DCUN1D2: variants seen among roughly 807,000 people sequenced by gnomAD.
DCUN1D2 encodes the protein DCN1-like protein 2.
Under a neutral mutation model 30.9 loss-of-function variants are expected in DCUN1D2, and 29 were observed. The ratio of observed to expected loss-of-function variants is 0.94; its 90% CI spans 0.70 to 1.28. DCUN1D2 has a LOEUF of 1.28. Ranked by LOEUF, DCUN1D2 falls within the 50% of genes most tolerant of loss-of-function variation. The probability of loss-of-function intolerance (pLI) is 0.00; values close to 1 mark genes in which losing one functional copy is unlikely to be tolerated. For synonymous variants in DCUN1D2, 121 were observed against 115.3 expected, an observed-to-expected ratio of 1.05 and a Z score of -0.32; for missense variants, 325 against 316.9, an observed-to-expected ratio of 1.03 and a Z score of -0.19.
At chr13:113,477,307 G>A (rs573602916) in intron 3 of DCUN1D2, among the ~76,000 whole-genome samples, 16 of 152,192 alleles carry the variant, frequency 1.1e-4, no homozygotes, top group Admixed American at 4.6e-4. Flanking sequence ...CCTGTCTCTC[G>A]ATGAATTACT....
intron 4 of DCUN1D2, among the ~76,000 whole-genome samples, chr13:113,468,711 C>T (rs2044450826): frequency 6.6e-6 from 1 of 152,094 alleles, no homozygotes; most frequent in South Asian, 2.1e-4. Flanking sequence ...GTGTAACCTT[C>T]CCTGAATCTG....
intron 4 of DCUN1D2, among the ~76,000 whole-genome samples, chr13:113,467,311 C>G (rs998088050): frequency 6.6e-6 from 1 of 152,142 alleles, no homozygotes; most frequent in East Asian, 1.9e-4. Context: ...TTACTATGTG[C>G]ATTTTAAAAA....
intron 4 of DCUN1D2, among the ~76,000 whole-genome samples, chr13:113,472,565 A>G (rs984162756): frequency 1.4e-4 from 21 of 152,192 alleles, no homozygotes. Context: ...GGTCGAAGGA[A>G]GCAGGGAACG....
At chr13:113,489,499 C>T (rs975405736) in intron 1 of DCUN1D2, among the ~76,000 whole-genome samples, 1 of 152,144 alleles carries the variant, frequency 6.6e-6, no homozygotes, top group Admixed American at 6.5e-5. Context: ...AAACTCCATC[C>T]TCTTGGTTTC....
At chr13:113,460,029 C>G (rs953617521) in intron 5 of DCUN1D2, among the ~76,000 whole-genome samples, 2 of 152,356 alleles carry the variant, frequency 1.3e-5, no homozygotes, top group Middle Eastern at 3.4e-3. Flanking sequence ...CTCTGGGAAA[C>G]ATCTGTGACT....
At chr13:113,483,531 CCAGCA>C in intron 2 of DCUN1D2, among the ~76,000 whole-genome samples, 1 of 152,324 alleles carries the variant, frequency 6.6e-6, no homozygotes, top group Admixed American at 6.5e-5. Flanking sequence ...ACCAAGCCTC[CCAGCA>C]GCAGCTTTTC....
chr13:113,474,170 A>C lies in DCUN1D2; in HGVS notation c.474T>G (p.Tyr158Ter), dbSNP rs768276040. 1.2e-6 allele frequency: 2 copies of C among 1,614,168 alleles called. No individual in the cohort carries two copies. Among genetic ancestry groups the C allele is most frequent in the South Asian group, 2.2e-5 (2 of 91,084 alleles). ...LKDTAKFKDF[Y>*]QFTFTFAKNP... ...TCTTAGCGAAGGTGAAGGTAAACTG[A>C]TAAAAATCTTTAAACTTGGCTGTGT... The change falls in exon 4 of 7, where the codon TAT (tyrosine) becomes TAG (stop). Residue 158 changes from tyrosine (Y) to a stop codon, truncating the protein, a stop_gained. Coordinates refer to ENST00000478244, the MANE Select transcript of DCUN1D2 (RefSeq NM_001014283.2). LOFTEE classifies it high-confidence loss of function.
At chr13:113,462,347 T>C (rs2139679143) in intron 4 of DCUN1D2, among the ~76,000 whole-genome samples, 1 of 152,170 alleles carries the variant, frequency 6.6e-6, no homozygotes, top group Middle Eastern at 3.4e-3. Flanking sequence ...TTCACCACTT[T>C]TAGGCAATAA....
chr13:113,471,423 A>C (rs2044514197), intron 4 of DCUN1D2, among the ~76,000 whole-genome samples: 1 of 152,256 alleles, frequency 6.6e-6, no homozygotes, highest in African/African-American at 2.4e-5. Context: ...TATGGGTAAT[A>C]GGAGTTTCCA....
chr13:113,475,756 G>A (rs2044606101), intron 3 of DCUN1D2: 1 of 152,496 alleles, frequency 6.6e-6, no homozygotes, highest in African/African-American at 2.4e-5. Context: ...GTGGTGGCAT[G>A]TGCCTGAAGT....
At chr13:113,463,969 A>G (rs113033533) in intron 4 of DCUN1D2, among the ~76,000 whole-genome samples, 13 of 152,308 alleles carry the variant, frequency 8.5e-5, no homozygotes, top group African/African-American at 3.1e-4. Context: ...GACCGACCAC[A>G]TCATCTTTGG....
rs532687215 is a variant in DCUN1D2, at chr13:113,477,327, A to G, written c.390-3073T>C. Among the ~76,000 whole-genome samples, 15 of 152,346 alleles carry G rather than the reference A, an allele frequency of 9.8e-5. 1 individual carries two copies. In the South Asian group the frequency reaches 2.7e-3, roughly 27 times the overall value. ...CTCTCGATGAATTACTATTTTCTCT[A>G]TGGGAGTATCACACATCTTCAATCC... On this transcript the variant is annotated intron_variant, in intron 3 of 6. Coordinates refer to ENST00000478244, the MANE Select transcript of DCUN1D2 (RefSeq NM_001014283.2).
chr13:113,455,948 T>C lies in DCUN1D2; in HGVS notation c.*2081A>G, dbSNP rs1231726442. ...TTGTCCAATGATTAATATTTTGATATCTATTGACAATCCCTTAGAACTTTA... is the reference window on the plus strand; with the variant it reads ...TTGTCCAATGATTAATATTTTGATACCTATTGACAATCCCTTAGAACTTTA... On this transcript the variant is annotated 3_prime_UTR_variant, in exon 7 of 7. Transcript: ENST00000478244. 3 of 348,764 alleles carry C rather than the reference T, an allele frequency of 8.6e-6. No homozygotes were observed. Among genetic ancestry groups the C allele is most frequent in the Non-Finnish European group, 1.5e-5 (3 of 196,174 alleles). 21.6% of individuals were successfully genotyped at this position (348,764 alleles called of 1,614,324 possible).
At chr13:113,462,266 A>AT (rs1481879199) in intron 4 of DCUN1D2, among the ~76,000 whole-genome samples, 1 of 150,916 alleles carries the variant, frequency 6.6e-6, no homozygotes, top group Non-Finnish European at 1.5e-5. Context: ...AAAAAAAAAA[A>AT]TTAAATAAAT....
At chr13:113,460,490 G>T (rs931214162) in intron 5 of DCUN1D2, among the ~76,000 whole-genome samples, 2 of 152,200 alleles carry the variant, frequency 1.3e-5, no homozygotes, top group Non-Finnish European at 2.9e-5. Context: ...CCAGCAAGAC[G>T]GGCTGGCATG....
At chr13:113,474,565 C>T (rs963093529) in intron 3 of DCUN1D2, among the ~76,000 whole-genome samples, 2 of 152,128 alleles carry the variant, frequency 1.3e-5, no homozygotes, top group African/African-American at 2.4e-5. Context: ...TATGTGAATT[C>T]GATCTCAGTA....
chr13:113,490,853 A>C, upstream of DCUN1D2: 1 of 362,462 alleles, frequency 2.8e-6, no homozygotes, highest in Non-Finnish European at 4.3e-6. This position sits in a 1 kb window ranked among gnomAD's most constrained non-coding sequence, Gnocchi z 5.2. Flanking sequence ...CGCGCCCCAC[A>C]GCCCCTGCGC....
intron 2 of DCUN1D2, 115 bp downstream of exon 2, chr13:113,483,725 A>C: frequency 1.0e-6 from 1 of 952,818 alleles, no homozygotes. Context: ...GAGCGTGGGG[A>C]GGAGAAGCAA....
At chr13:113,489,991 C>G (rs1270849512) in intron 1 of DCUN1D2, among the ~76,000 whole-genome samples, 1 of 152,166 alleles carries the variant, frequency 6.6e-6, no homozygotes, top group Non-Finnish European at 1.5e-5. Flanking sequence ...CACCCAGCAG[C>G]ACCTTGCTGG....
Sources: gnomAD v4.1 joint callset for allele counts (sites outside exome capture counted in the v4.1 genomes callset) on GRCh38, gnomAD v4.1.1 for gene constraint, Gnocchi (gnomAD v3.1) non-coding constraint, MANE v1.5 for transcripts, NCBI Gene and HGNC (gene_info 2026-07-23, HGNC 2026-07-21) for gene names.